The following ATRNL1 variants were observed in gnomAD, a reference collection of about 807,000 sequenced individuals.
The protein encoded by ATRNL1 is attractin like 1.
In ATRNL1, 95 loss-of-function variants were observed where a neutral mutation model predicts 182.7. The ratio of observed to expected loss-of-function variants is 0.52; its 90% CI spans 0.44 to 0.62. The LOEUF (loss-of-function observed/expected upper bound fraction) is 0.62. ATRNL1 is among the 20% of genes least tolerant of loss of function. ATRNL1 has a pLI of 0.00. For synonymous variants in ATRNL1, 576 were observed against 568.3 expected (o/e 1.01, Z -0.19); for missense variants, 1,471 against 1,679.5 (o/e 0.88, Z 2.17).
intron 27 of ATRNL1, among the ~76,000 whole-genome samples, chr10:115,761,468 TC>T (rs5788111): frequency 0.98 from 149,543 of 152,224 alleles, 73,501 homozygotes; most frequent in Middle Eastern, 1. Flanking sequence ...ATAAATAACT[TC>T]CCCCCCAGTT....
At chr10:115,392,246 T>C (rs1405607030) in intron 19 of ATRNL1, among the ~76,000 whole-genome samples, 1 of 152,154 alleles carries the variant, frequency 6.6e-6, no homozygotes, top group East Asian at 1.9e-4. Context: ...TTTTCTTATA[T>C]AGATGTAATT....
At position 115,916,802 on chromosome 10, in the gene ATRNL1, G is replaced by A. The variant is rs994752241; in HGVS notation, c.4019-27856G>A. 5.6e-4 allele frequency among the ~76,000 whole-genome samples: 85 copies of A among 152,064 alleles called. 1 individual carries two copies. The highest frequency in any genetic ancestry group is 3.8e-3 in the Admixed American group (58 of 15,260). On this transcript the variant is annotated intron_variant, in intron 28 of 28. Transcript: ENST00000355044. ...GAGCTCAGGGCCTTCTGTTTACTGG[G>A]AGCTCTTTCTCTGACCAAGAGAAAG... is the stretch of plus-strand genomic sequence containing the variant.
intron 26 of ATRNL1, among the ~76,000 whole-genome samples, chr10:115,684,684 C>T (rs1389549263): frequency 6.6e-6 from 1 of 151,512 alleles, no homozygotes; most frequent in African/African-American, 2.4e-5. Flanking sequence ...TCTAACTTCC[C>T]TGAATCTTAG....
intron 19 of ATRNL1, among the ~76,000 whole-genome samples, chr10:115,337,646 G>A (rs1266243168): frequency 6.6e-6 from 1 of 152,066 alleles, no homozygotes; most frequent in Non-Finnish European, 1.5e-5. Flanking sequence ...AACATGCAAT[G>A]TTTGTCTTTC....
chr10:115,774,516 G>A (rs1949074358), intron 27 of ATRNL1, among the ~76,000 whole-genome samples: 1 of 151,358 alleles, frequency 6.6e-6, no homozygotes, highest in Admixed American at 6.6e-5. Context: ...AGATAATAGG[G>A]AAATTAAGCC....
chr10:115,418,510 G>A (rs1845506660), intron 20 of ATRNL1, among the ~76,000 whole-genome samples: 1 of 151,964 alleles, frequency 6.6e-6, no homozygotes. Flanking sequence ...AAGGAGTTGA[G>A]AGACAAAGGG....
rs554320479 is a variant in ATRNL1 at position 115,866,833 on chromosome 10, C to T, written c.4018+18842C>T. 2.0e-5 allele frequency among the ~76,000 whole-genome samples: 3 copies of T among 152,150 alleles called. No homozygotes were observed. The East Asian group carries it at 5.8e-4, about 29-fold the overall frequency. ...CAAACATGATTTTTATCTTTTGTCC[C>T]AGAGCACTTCAGATTCAAACCCAAG... On this transcript the variant is annotated intron_variant, in intron 28 of 28. Transcript: ENST00000355044.
intron 8 of ATRNL1, among the ~76,000 whole-genome samples, chr10:115,190,864 C>T (rs1848143006): frequency 6.6e-6 from 1 of 152,054 alleles, no homozygotes; most frequent in African/African-American, 2.4e-5. Flanking sequence ...TCACTTTATC[C>T]CCTGCTCTCT....
intron 26 of ATRNL1, among the ~76,000 whole-genome samples, chr10:115,670,939 TA>T (rs1348744526): frequency 6.6e-6 from 1 of 152,070 alleles, no homozygotes; most frequent in Non-Finnish European, 1.5e-5. Flanking sequence ...ATTACAGAAA[TA>T]AAAAGCAGTG....
intron 17 of ATRNL1, among the ~76,000 whole-genome samples, chr10:115,302,617 G>T (rs1315500044): frequency 6.6e-6 from 1 of 152,158 alleles, no homozygotes; most frequent in Non-Finnish European, 1.5e-5. Flanking sequence ...TACTGGGCTT[G>T]CTATGAGTTA....
intron 21 of ATRNL1, among the ~76,000 whole-genome samples, chr10:115,437,739 A>T (rs1015861716): frequency 1.5e-4 from 23 of 152,166 alleles, no homozygotes; most frequent in African/African-American, 5.3e-4. Context: ...TACATATGGG[A>T]ATCTGACTTT....
At chr10:115,553,806 T>C (rs921080596) in intron 26 of ATRNL1, among the ~76,000 whole-genome samples, 6 of 151,468 alleles carry the variant, frequency 4.0e-5, no homozygotes, top group Admixed American at 1.3e-4. Context: ...ACTTTAATAA[T>C]GACATTTTAT....
intron 28 of ATRNL1, among the ~76,000 whole-genome samples, chr10:115,928,577 G>A (rs1183640614): frequency 3.3e-5 from 5 of 151,974 alleles, no homozygotes; most frequent in Admixed American, 2.6e-4. Context: ...ATTCCCTGAA[G>A]AGAAGAATTG....
At chr10:115,809,324 T>C (rs1168414985) in intron 27 of ATRNL1, among the ~76,000 whole-genome samples, 5 of 151,718 alleles carry the variant, frequency 3.3e-5, no homozygotes, top group Admixed American at 3.3e-4. Flanking sequence ...GCATTTCCCG[T>C]ATAAATTTTA....
intron 26 of ATRNL1, among the ~76,000 whole-genome samples, chr10:115,584,746 C>T (rs1190630777): frequency 1.3e-5 from 2 of 152,134 alleles, no homozygotes; most frequent in Non-Finnish European, 2.9e-5. Flanking sequence ...GTCTCTATTT[C>T]CTTCAGTTTT....
chr10:115,845,668 A>T (rs938795121), intron 27 of ATRNL1, among the ~76,000 whole-genome samples: 2 of 149,910 alleles, frequency 1.3e-5, no homozygotes, highest in African/African-American at 4.9e-5. Context: ...TTGTATAAAC[A>T]TACAATTCTA....
chr10:115,740,199 A>C (rs1194255395), intron 27 of ATRNL1, among the ~76,000 whole-genome samples: 1 of 152,208 alleles, frequency 6.6e-6, no homozygotes, highest in Non-Finnish European at 1.5e-5. Flanking sequence ...TAAATATGCA[A>C]ATTTACCTCA....
At chr10:115,391,886 G>A (rs1435936868) in intron 19 of ATRNL1, among the ~76,000 whole-genome samples, 3 of 151,690 alleles carry the variant, frequency 2.0e-5, no homozygotes, top group African/African-American at 7.3e-5. Flanking sequence ...AGGACTCATT[G>A]TATGATACTA....
At chr10:115,656,355 C>A (rs1860329760) in intron 26 of ATRNL1, among the ~76,000 whole-genome samples, 1 of 152,106 alleles carries the variant, frequency 6.6e-6, no homozygotes, top group South Asian at 2.1e-4. Flanking sequence ...TGCACATTCT[C>A]CCCATATCTT....
Sources: gnomAD v4.1 joint callset for allele counts (sites outside exome capture counted in the v4.1 genomes callset) on GRCh38, gnomAD v4.1.1 for gene constraint, MANE v1.5 for transcripts, NCBI Gene and HGNC (gene_info 2026-07-23, HGNC 2026-07-21) for gene names.